The following NT5C2 variants were observed in gnomAD, a reference collection of about 807,000 sequenced individuals.
NT5C2 encodes 5'-nucleotidase, cytosolic II.
In NT5C2, 58 loss-of-function variants were observed where a neutral mutation model predicts 76.1. That is an observed-to-expected ratio of 0.76 (90% CI 0.62 to 0.95). The LOEUF (loss-of-function observed/expected upper bound fraction) is 0.95. Ranked by LOEUF, NT5C2 falls within the 40% of genes least tolerant of loss-of-function variation. The probability of loss-of-function intolerance (pLI) is 0.00; values close to 1 mark genes in which losing one functional copy is unlikely to be tolerated. For missense variants in NT5C2, 478 were observed against 690.3 expected (o/e 0.69, Z 3.45); for synonymous variants, 229 against 237.4 (o/e 0.96, Z 0.32).
intron 1 of NT5C2, among the ~76,000 whole-genome samples, chr10:103,184,106 C>A (rs558940807): frequency 6.6e-6 from 1 of 151,324 alleles, no homozygotes; most frequent in African/African-American, 2.4e-5. Context: ...GCATGAGCCA[C>A]CACGCCCGGC....
intron 4 of NT5C2, among the ~76,000 whole-genome samples, chr10:103,131,092 A>C (rs1400440062): frequency 1.3e-5 from 2 of 152,224 alleles, no homozygotes; most frequent in Non-Finnish European, 2.9e-5. Context: ...ATGAGCCAAC[A>C]ACCACCTCTC....
intron 4 of NT5C2, among the ~76,000 whole-genome samples, chr10:103,126,503 T>C (rs918921064): frequency 1.3e-5 from 2 of 152,134 alleles, no homozygotes; most frequent in Non-Finnish European, 2.9e-5. Flanking sequence ...ATGCCTGTAG[T>C]CCCAGCTACT....
rs531709006 is a variant in NT5C2 at position 103,102,734 on chromosome 10, TG to T, written c.390-1409del. Among the ~76,000 whole-genome samples the T allele has an allele frequency of 2.0e-5, 3 of 152,098 alleles. No homozygotes were observed. In the South Asian group the frequency reaches 6.2e-4, roughly 32 times the overall value. On this transcript the variant is annotated intron_variant, in intron 6 of 18. Transcript: ENST00000404739. ...TGTCTCTGAGAGGTGGTTGGTACGA[TG>T]AACAGAAATATGAAAACTAGATAAG...
chr10:103,122,159 G>A (rs1347916477), intron 4 of NT5C2, among the ~76,000 whole-genome samples: 1 of 152,190 alleles, frequency 6.6e-6, no homozygotes, highest in African/African-American at 2.4e-5. Context: ...AGGTGACAGG[G>A]CAAGACTCTG....
intron 3 of NT5C2, among the ~76,000 whole-genome samples, chr10:103,170,925 C>A (rs118141064): frequency 6.6e-6 from 1 of 152,108 alleles, no homozygotes; most frequent in Non-Finnish European, 1.5e-5. Context: ...TTAATTAATA[C>A]TTTATAGTGT....
At chr10:103,090,494 C>T in intron 18 of NT5C2, 117 bp downstream of exon 18, 1 of 897,944 alleles carries the variant, frequency 1.1e-6, no homozygotes, top group Non-Finnish European at 1.7e-6. Context: ...TAACCTGCCC[C>T]TGGGCTCTGT....
rs1388886478 is a variant in NT5C2, at chr10:103,143,679, G to C, written c.102-4200C>G. Among the ~76,000 whole-genome samples the C allele has an allele frequency of 3.1e-5, 4 of 130,546 alleles. No homozygotes were observed. The East Asian group carries it at 7.1e-4, about 23-fold the overall frequency. The allele number at this position is 130,546 out of a possible 152,430, so 85.6% of individuals were successfully genotyped here. On this transcript the variant is annotated intron_variant, in intron 3 of 18. Transcript: ENST00000404739. ...TTTTTTAAAAAGGAGTTTGAGACCA[G>C]AAGTGGTGCCTCACACCTATAATCC...
rs1005874276 is a variant in NT5C2 at position 103,164,149 on chromosome 10, T to G, written c.101+10709A>C. 4.6e-5 allele frequency among the ~76,000 whole-genome samples: 7 copies of G among 152,166 alleles called. No individual in the cohort carries two copies. The South Asian group carries it at 6.2e-4, about 14-fold the overall frequency. On this transcript the variant is annotated intron_variant, in intron 3 of 18. Coordinates refer to ENST00000404739, the MANE Select transcript of NT5C2 (RefSeq NM_001351169.2). Reference sequence around the variant, plus strand: ...ATTTCTAGCTGCTTGGAAGGCTGAGTTGGGAGGATCACTAGAGCCCAGGAG... The same window carrying G: ...ATTTCTAGCTGCTTGGAAGGCTGAGGTGGGAGGATCACTAGAGCCCAGGAG...
chr10:103,181,848 C>T (rs924205085), intron 1 of NT5C2, among the ~76,000 whole-genome samples: 2 of 151,174 alleles, frequency 1.3e-5, no homozygotes, highest in Admixed American at 6.6e-5. Flanking sequence ...CTACTAAAAA[C>T]GGAAAAAAAT....
intron 2 of NT5C2, among the ~76,000 whole-genome samples, chr10:103,179,369 T>C (rs905569575): frequency 1.2e-4 from 18 of 152,148 alleles, no homozygotes; most frequent in Admixed American, 1.1e-3. Flanking sequence ...CCAGTAACAA[T>C]ACTGTAGGTA....
At chr10:103,097,986 C>T in intron 10 of NT5C2, 1 of 517,824 alleles carries the variant, frequency 1.9e-6, no homozygotes, top group Non-Finnish European at 3.9e-6. Context: ...AGTGTTCTTT[C>T]TTGAAATAAG....
intron 4 of NT5C2, among the ~76,000 whole-genome samples, chr10:103,114,629 A>T (rs926449022): frequency 6.6e-6 from 1 of 152,190 alleles, no homozygotes; most frequent in East Asian, 1.9e-4. Flanking sequence ...TAAGGAAATA[A>T]ATAGAATTTA....
intron 3 of NT5C2, among the ~76,000 whole-genome samples, chr10:103,140,588 G>GT (rs1215631928): frequency 2.0e-5 from 3 of 152,184 alleles, no homozygotes; most frequent in African/African-American, 7.2e-5. Flanking sequence ...TATGGCAGCT[G>GT]TATTTTCTTT....
intron 4 of NT5C2, chr10:103,111,758 A>G (rs2073092912): frequency 8.1e-7 from 1 of 1,232,108 alleles, no homozygotes; most frequent in Non-Finnish European, 1.0e-6. Context: ...AGGCAGATGC[A>G]GATGCAGTGT....
intron 1 of NT5C2, among the ~76,000 whole-genome samples, chr10:103,182,550 A>T (rs2091256890): frequency 6.6e-6 from 1 of 151,764 alleles, no homozygotes; most frequent in South Asian, 2.1e-4. Context: ...CAGGAGAATC[A>T]CTTGAACCCA....
At chr10:103,122,288 AAC>A (rs747813981) in intron 4 of NT5C2, among the ~76,000 whole-genome samples, 54 of 152,386 alleles carry the variant, frequency 3.5e-4, no homozygotes, top group Non-Finnish European at 5.9e-4. Flanking sequence ...ACTGTGTTTT[AAC>A]ACAGTTTCTA....
intron 10 of NT5C2, 49 bp downstream of exon 10, chr10:103,098,882 T>C (rs1343196843): frequency 2.4e-6 from 3 of 1,246,228 alleles, no homozygotes; most frequent in Admixed American, 2.1e-5. Context: ...ATTTCCCTAA[T>C]AGGTAAAATG....
intron 3 of NT5C2, among the ~76,000 whole-genome samples, chr10:103,168,790 A>G (rs1409270922): frequency 6.6e-6 from 1 of 152,218 alleles, no homozygotes; most frequent in African/African-American, 2.4e-5. Context: ...TGGAAGTTAG[A>G]TATTTATTTA....
chr10:103,098,885 G>A, intron 10 of NT5C2, 46 bp downstream of exon 10: 1 of 1,292,550 alleles, frequency 7.7e-7, no homozygotes, highest in Non-Finnish European at 1.1e-6. Context: ...TCCCTAATAG[G>A]TAAAATGAGC....
Sources: gnomAD v4.1 joint callset for allele counts (sites outside exome capture counted in the v4.1 genomes callset) on GRCh38, gnomAD v4.1.1 for gene constraint, MANE v1.5 for transcripts, NCBI Gene and HGNC (gene_info 2026-07-23, HGNC 2026-07-21) for gene names.